AMPD1: variants seen among roughly 807,000 people sequenced by gnomAD.
AMPD1 encodes the protein adenosine monophosphate deaminase 1.
In AMPD1, 74 loss-of-function variants were observed where a neutral mutation model predicts 82.9. The ratio of observed to expected loss-of-function variants is 0.89; its 90% CI spans 0.74 to 1.08. The LOEUF is 1.08. Ranked by LOEUF, AMPD1 falls within the 50% of genes least tolerant of loss-of-function variation. The pLI, the probability that AMPD1 is intolerant of heterozygous loss-of-function variation, is 0.00. For synonymous variants in AMPD1, 333 were observed against 320.5 expected (o/e 1.04, Z -0.42); for missense variants, 881 against 924.5 (o/e 0.95, Z 0.61).
chr1:114,689,605 G>A (rs541211451), intron 2 of AMPD1, among the ~76,000 whole-genome samples: 13 of 152,184 alleles, frequency 8.5e-5, no homozygotes, highest in African/African-American at 2.9e-4. Flanking sequence ...TCCCTTGATG[G>A]CAGGAGTTCG....
At chr1:114,674,723 A>T in intron 13 of AMPD1, 29 bp downstream of exon 13, 2 of 1,609,634 alleles carry the variant, frequency 1.2e-6, no homozygotes, top group Non-Finnish European at 1.7e-6. Context: ...GCTCCAATGT[A>T]AAAGTTAAGA....
At chr1:114,693,204 A>T (rs1186543956) in intron 2 of AMPD1, among the ~76,000 whole-genome samples, 1 of 148,854 alleles carries the variant, frequency 6.7e-6, no homozygotes, top group African/African-American at 2.4e-5. Flanking sequence ...TTAAAAAATT[A>T]TATATAATTA....
At chr1:114,693,225 T>A (rs570957158) in intron 2 of AMPD1, among the ~76,000 whole-genome samples, 1 of 149,958 alleles carries the variant, frequency 6.7e-6, no homozygotes, top group East Asian at 1.9e-4. Flanking sequence ...TATATATATA[T>A]ATGTTTATAC....
chr1:114,680,735 G>T (rs1020854949), intron 5 of AMPD1, among the ~76,000 whole-genome samples: 1 of 152,216 alleles, frequency 6.6e-6, no homozygotes, highest in Admixed American at 6.5e-5. Context: ...GGGAGGCCAA[G>T]GCAGGCAGAT....
In AMPD1 at chr1:114,680,308, A is replaced by T; in HGVS notation, c.718T>A (p.Phe240Ile). The T allele has an allele frequency of 6.2e-7, 1 of 1,614,192 alleles. No individual in the cohort carries two copies. Among genetic ancestry groups the T allele is most frequent in the Non-Finnish European group, 8.5e-7 (1 of 1,180,038 alleles). ...KPLPYPNLDTFLDDMNFLLAL... is the reference protein window; with the variant it reads ...KPLPYPNLDTILDDMNFLLAL... ...AGTAAAAAATTCATATCGTCTAAGA[A>T]GGTGTCCAGATTTGGGTAAGGAAGT... The change falls in exon 6 of 16, where the codon TTC (phenylalanine) becomes ATC (isoleucine). Residue 240 changes from phenylalanine to isoleucine, a missense_variant. Physicochemically the swap from Phe to Ile is conservative, Grantham distance 21 (BLOSUM62 0). Coordinates refer to ENST00000520113, the MANE Select transcript of AMPD1 (RefSeq NM_000036.3).
At position 114,673,187 on chromosome 1, in the gene AMPD1, C is replaced by A. The variant is rs146036570; in HGVS notation, c.2171G>T (p.Arg724Leu). The stretch of plus-strand genomic sequence containing the variant: ...CCAGGTTTCATAGCGATAGGCCATG[C>A]GGATTTGGGCTACATTTGTCCTCCG... The part of the protein sequence containing the change: ...DIRRTNVAQI[R>L]MAYRYETWCY... The change falls in exon 16 of 16, where the codon CGC becomes CTC. Residue 724 changes from arginine to leucine, a missense_variant. By Grantham distance (102) the Arg-to-Leu change is moderately radical. Around this residue, in one of 2 missense-constraint regions of AMPD1, gnomAD observed 98 missense variants for 138.1 expected, o/e 0.71. Coordinates refer to ENST00000520113, the MANE Select transcript of AMPD1 (RefSeq NM_000036.3). The A allele has an allele frequency of 3.7e-6, 6 of 1,614,016 alleles. No individual in the cohort carries two copies. Among genetic ancestry groups the A allele is most frequent in the African/African-American group, 1.3e-5 (1 of 75,000 alleles).
At chr1:114,682,630 G>C (rs1658191523) in intron 5 of AMPD1, among the ~76,000 whole-genome samples, 2 of 150,986 alleles carry the variant, frequency 1.3e-5, no homozygotes, top group East Asian at 2.0e-4. Context: ...CCAGGCTGGA[G>C]TGCAGTGGCG....
chr1:114,675,795 A>G (rs1402211826), intron 11 of AMPD1, 82 bp downstream of exon 11: 2 of 1,613,240 alleles, frequency 1.2e-6, no homozygotes, highest in East Asian at 2.2e-5. Flanking sequence ...ACATAAAGAG[A>G]TAAGCACCAA....
intron 9 of AMPD1, 128 bp downstream of exon 9, chr1:114,677,782 C>T (rs1658035899): frequency 1.7e-6 from 1 of 587,642 alleles, no homozygotes; most frequent in Non-Finnish European, 3.1e-6. Flanking sequence ...CCCTTCCTTC[C>T]TTCTTTCCCT....
intron 3 of AMPD1, among the ~76,000 whole-genome samples, chr1:114,687,591 C>T (rs1035715524): frequency 6.6e-6 from 1 of 151,714 alleles, no homozygotes; most frequent in African/African-American, 2.4e-5. Context: ...GGGGGAGGAC[C>T]TAAGGAGGGG....
chr1:114,684,097 AT>A, intron 5 of AMPD1, 101 bp downstream of exon 5: 1 of 1,281,168 alleles, frequency 7.8e-7, no homozygotes, highest in Non-Finnish European at 1.1e-6. Flanking sequence ...TGACTATGAT[AT>A]TTTTAGACTG....
At chr1:114,681,302 T>C (rs1658150254) in intron 5 of AMPD1, among the ~76,000 whole-genome samples, 1 of 151,820 alleles carries the variant, frequency 6.6e-6, no homozygotes, top group African/African-American at 2.4e-5. Context: ...GAGTAGAAAA[T>C]GCCGTTTCCA....
intron 10 of AMPD1, among the ~76,000 whole-genome samples, chr1:114,676,461 A>T (rs1374199180): frequency 6.6e-6 from 1 of 152,218 alleles, no homozygotes; most frequent in Non-Finnish European, 1.5e-5. Flanking sequence ...TGTAATCCTC[A>T]TAACAACTCA....
chr1:114,675,616 C>T lies in AMPD1; in HGVS notation c.1593G>A (p.Gln531=), dbSNP rs1657957924. 1.9e-6 allele frequency: 3 copies of T among 1,614,162 alleles called. 1 individual carries two copies. In the South Asian group the frequency reaches 3.3e-5, roughly 18 times the overall value. The stretch of plus-strand genomic sequence containing the variant: ...ATGGATTCTTTTCCAATGTCCACTC[C>T]TGGGGCTTGGGACTCTTGGAGGAGA... The part of the protein sequence containing the change: ...HMFSSKSPKP[Q]EWTLEKNPSY... Residue 531 remains glutamine, a synonymous_variant, in exon 12 of 16, where the codon CAG becomes CAA. Transcript: ENST00000520113.
chr1:114,687,853 A>G (rs1658365229), intron 3 of AMPD1, among the ~76,000 whole-genome samples: 2 of 152,176 alleles, frequency 1.3e-5, no homozygotes, highest in South Asian at 2.1e-4. Context: ...GTCAGGGAGC[A>G]TAACACTAAG....
rs1482221309 is a variant in AMPD1 at position 114,673,930 on chromosome 1, T to G, written c.1953A>C (p.Pro651=). The G allele has an allele frequency of 6.2e-7, 1 of 1,613,978 alleles. No individual in the cohort carries two copies. The highest frequency in any genetic ancestry group is 1.3e-5 in the African/African-American group (1 of 74,906). ...GLMISLSTDD[P]MQFHFTKEPL... ...ATACCTTGGTAAAGTGGAATTGCAT[T>G]GGGTCATCTGTAGACAGTGAGATCA... is the stretch of plus-strand genomic sequence containing the variant. The change falls in exon 14 of 16, where the codon CCA becomes CCC. Residue 651 remains proline, a synonymous_variant. Coordinates refer to ENST00000520113, the MANE Select transcript of AMPD1 (RefSeq NM_000036.3).
chr1:114,680,531 A>T, intron 5 of AMPD1, 53 bp from the exon 6 acceptor site: 1 of 1,522,922 alleles, frequency 6.6e-7, no homozygotes, highest in South Asian at 1.1e-5. Context: ...GAACGACCAC[A>T]TAAAAATAAC....
chr1:114,691,600 A>G (rs1367068770), intron 2 of AMPD1, among the ~76,000 whole-genome samples: 2 of 151,774 alleles, frequency 1.3e-5, no homozygotes, highest in Non-Finnish European at 2.9e-5. Context: ...TGGTGATTAT[A>G]GAAAGGAAAG....
chr1:114,677,599 C>T, intron 9 of AMPD1, 85 bp from the exon 10 acceptor site: 1 of 1,567,474 alleles, frequency 6.4e-7, no homozygotes, highest in African/African-American at 1.4e-5. Context: ...CTTTCTAACT[C>T]TTCCTTTCAG....
Sources: gnomAD v4.1 joint callset for allele counts (sites outside exome capture counted in the v4.1 genomes callset) on GRCh38, gnomAD v4.1.1 for gene constraint, gnomAD v4.1.1 regional missense constraint, MANE v1.5 for transcripts, NCBI Gene and HGNC (gene_info 2026-07-23, HGNC 2026-07-21) for gene names.